The following ARID5B variants were observed in gnomAD, a reference collection of about 807,000 sequenced individuals.
ARID5B encodes the protein AT-rich interaction domain 5B, also known as AT-rich interactive domain-containing protein 5B.
In ARID5B, 13 loss-of-function variants were observed where a neutral mutation model predicts 97.2. The observed-to-expected ratio is 0.13, with a 90% CI of 0.09 to 0.21. The LOEUF (loss-of-function observed/expected upper bound fraction) is 0.21. ARID5B is among the 10% of genes least tolerant of loss of function. The pLI is 1.00. For missense variants in ARID5B, 1,210 were observed against 1,465.3 expected (o/e 0.83, Z 2.84); for synonymous variants, 556 against 570.3 (o/e 0.97, Z 0.36).
intron 2 of ARID5B, among the ~76,000 whole-genome samples, chr10:61,929,007 G>A (rs1468471900): frequency 6.6e-6 from 1 of 152,068 alleles, no homozygotes; most frequent in African/African-American, 2.4e-5. Flanking sequence ...CCCCCTACCC[G>A]TCTCCATTGG....
rs1843888497 is a variant in ARID5B, at chr10:61,915,630, G to GT, written c.276+13217_276+13218insT. Among the ~76,000 whole-genome samples the GT allele has an allele frequency of 4.6e-5, 7 of 152,288 alleles. No homozygotes were observed. In the South Asian group the frequency reaches 6.2e-4, roughly 14 times the overall value. ...TGGTCTAGGTATCATCTAGACACCT[G>GT]GGGTGCATATTTAGAGCTAATGTAC... On this transcript the variant is annotated intron_variant, in intron 2 of 9. Coordinates refer to ENST00000279873, the MANE Select transcript of ARID5B (RefSeq NM_032199.3).
At chr10:62,022,645 GT>G (rs752757250) in intron 4 of ARID5B, among the ~76,000 whole-genome samples, 1 of 152,166 alleles carries the variant, frequency 6.6e-6, no homozygotes, top group Admixed American at 6.6e-5. Context: ...CAGGAACCCA[GT>G]TTTTTTCTAC....
In ARID5B at chr10:61,931,965, C is replaced by T. The variant is rs973790280; in HGVS notation, c.277-8218C>T. Among the ~76,000 whole-genome samples, 10 of 152,240 alleles carry T rather than the reference C, an allele frequency of 6.6e-5. No individual in the cohort carries two copies. In the East Asian group the frequency reaches 1.9e-3, roughly 29 times the overall value. ...TGGGCAGTCTGTAGAAAAATTACATCCATACTTACCATATGACTCAGCAAT... is the reference window on the plus strand; with the variant it reads ...TGGGCAGTCTGTAGAAAAATTACATTCATACTTACCATATGACTCAGCAAT... On this transcript the variant is annotated intron_variant, in intron 2 of 9. Transcript: ENST00000279873.
At chr10:61,935,306 A>T (rs1297867496) in intron 2 of ARID5B, among the ~76,000 whole-genome samples, 1 of 152,198 alleles carries the variant, frequency 6.6e-6, no homozygotes, top group East Asian at 1.9e-4. Flanking sequence ...GAAACAAACC[A>T]GATGTCCCTC....
At chr10:61,929,741 C>G (rs774544134) in intron 2 of ARID5B, among the ~76,000 whole-genome samples, 2 of 152,190 alleles carry the variant, frequency 1.3e-5, no homozygotes, top group Non-Finnish European at 2.9e-5. Flanking sequence ...AAGGACATCA[C>G]TAATACTCAT....
At chr10:62,014,794 A>C (rs1839262294) in intron 4 of ARID5B, among the ~76,000 whole-genome samples, 1 of 152,166 alleles carries the variant, frequency 6.6e-6, no homozygotes, top group Non-Finnish European at 1.5e-5. Context: ...CAAACATAAT[A>C]AAAATAATAA....
chr10:62,010,340 T>A (rs74159506), intron 4 of ARID5B, among the ~76,000 whole-genome samples: 2 of 152,250 alleles, frequency 1.3e-5, no homozygotes, highest in Middle Eastern at 3.4e-3. Flanking sequence ...CAGTACTTTT[T>A]CAAAGATGTT....
intron 3 of ARID5B, among the ~76,000 whole-genome samples, chr10:61,977,016 C>T (rs1384813110): frequency 6.6e-6 from 1 of 152,140 alleles, no homozygotes; most frequent in Non-Finnish European, 1.5e-5. Flanking sequence ...CCCCTCCCCT[C>T]ACCCCACAAC....
rs964782504 is a variant in ARID5B at position 62,014,861 on chromosome 10, C to G, written c.733+14540C>G. Among the ~76,000 whole-genome samples, 28 of 152,152 alleles carry G rather than the reference C, an allele frequency of 1.8e-4. 1 individual carries two copies. Among genetic ancestry groups the G allele is most frequent in the Non-Finnish European group, 1.5e-5 (1 of 68,024 alleles). On this transcript the variant is annotated intron_variant, in intron 4 of 9. Coordinates refer to ENST00000279873, the MANE Select transcript of ARID5B (RefSeq NM_032199.3). ...ACATGTCAGGCAAATACAGAACATT[C>G]TGCATCTATTTTCCAGGATTTGTAG...
intron 2 of ARID5B, among the ~76,000 whole-genome samples, chr10:61,920,528 G>T (rs187784210): frequency 1.6e-3 from 240 of 151,978 alleles, no homozygotes; most frequent in Non-Finnish European, 2.5e-3. Flanking sequence ...GTAGAGACAG[G>T]TTTCGCCATG....
intron 3 of ARID5B, among the ~76,000 whole-genome samples, chr10:61,962,804 T>C (rs1838489899): frequency 6.6e-6 from 1 of 152,212 alleles, no homozygotes; most frequent in Non-Finnish European, 1.5e-5. Flanking sequence ...ACAGTGTTAG[T>C]TATCCGTTAA....
At chr10:62,015,241 C>A (rs1009010636) in intron 4 of ARID5B, among the ~76,000 whole-genome samples, 2 of 152,128 alleles carry the variant, frequency 1.3e-5, no homozygotes. Flanking sequence ...TATTGAGCAC[C>A]TACTATGTTC....
intron 3 of ARID5B, among the ~76,000 whole-genome samples, chr10:61,973,701 T>A (rs565306326): frequency 1.3e-5 from 2 of 152,372 alleles, no homozygotes; most frequent in South Asian, 4.1e-4. Flanking sequence ...CCAGCCATTG[T>A]GGAGCTAGGC....
intron 3 of ARID5B, among the ~76,000 whole-genome samples, chr10:61,987,971 G>C (rs529818686): frequency 1.3e-5 from 2 of 152,330 alleles, no homozygotes; most frequent in Admixed American, 1.3e-4. Flanking sequence ...CTGTGGAAAT[G>C]ATTTTCAGCA....
At chr10:62,018,725 G>C (rs994224978) in intron 4 of ARID5B, among the ~76,000 whole-genome samples, 1 of 149,930 alleles carries the variant, frequency 6.7e-6, no homozygotes, top group African/African-American at 2.5e-5. Flanking sequence ...ATCCTGACCT[G>C]GTGATATTTT....
chr10:62,018,296 C>T (rs1373285183), intron 4 of ARID5B, among the ~76,000 whole-genome samples: 1 of 152,188 alleles, frequency 6.6e-6, no homozygotes, highest in Non-Finnish European at 1.5e-5. Flanking sequence ...GAAATCACTT[C>T]TGCTGCTCTT....
At chr10:61,961,588 C>T (rs1838471265) in intron 3 of ARID5B, among the ~76,000 whole-genome samples, 1 of 152,156 alleles carries the variant, frequency 6.6e-6, no homozygotes, top group African/African-American at 2.4e-5. Context: ...GTGTCAGTTA[C>T]AGTGTTAACT....
intron 2 of ARID5B, among the ~76,000 whole-genome samples, chr10:61,910,072 G>A (rs975639468): frequency 3.3e-5 from 5 of 152,156 alleles, no homozygotes; most frequent in Non-Finnish European, 7.4e-5. Context: ...CAGGCTGATG[G>A]TCTTAACTAA....
intron 7 of ARID5B, among the ~76,000 whole-genome samples, chr10:62,065,876 A>G (rs1339171585): frequency 6.7e-6 from 1 of 149,310 alleles, no homozygotes; most frequent in African/African-American, 2.4e-5. Context: ...GGAAACAAAG[A>G]GCCAGAAGTT....
Sources: allele counts gnomAD v4.1 joint callset (sites outside exome capture counted in the v4.1 genomes callset), GRCh38; gene constraint gnomAD v4.1.1; transcripts MANE v1.5; gene names NCBI Gene and HGNC (gene_info 2026-07-23, HGNC 2026-07-21).